The following XKR9 variants were observed in gnomAD, a reference collection of about 807,000 sequenced individuals.
XKR9 encodes the protein XK-related protein 9.
Under a neutral mutation model 32.0 loss-of-function variants are expected in XKR9, and 32 were observed. The observed-to-expected ratio is 1.00, with a 90% CI of 0.76 to 1.34. XKR9 has a LOEUF of 1.34. Ranked by LOEUF, XKR9 falls within the 40% of genes most tolerant of loss-of-function variation. The pLI, the probability that XKR9 is intolerant of heterozygous loss-of-function variation, is 0.00. For synonymous variants in XKR9, 168 were observed against 143.4 expected (o/e 1.17, Z -1.22); for missense variants, 546 against 429.7 (o/e 1.27, Z -2.39).
At chr8:70,880,657 C>G in the XKR9 span, among the ~76,000 whole-genome samples, 7 of 151,904 alleles carry the variant, frequency 4.6e-5, no homozygotes, top group Non-Finnish European at 8.8e-5. Context: ...CCATGCTCAT[C>G]GATAGGAAGA....
At chr8:70,967,806 T>C in the XKR9 span, among the ~76,000 whole-genome samples, 1 of 152,202 alleles carries the variant, frequency 6.6e-6, no homozygotes, top group Non-Finnish European at 1.5e-5. Context: ...ATAGGTTCAC[T>C]GTTAGTCTGA....
intron 2 of XKR9, among the ~76,000 whole-genome samples, chr8:70,763,297 C>A (rs1304493024): frequency 6.6e-6 from 1 of 152,146 alleles, no homozygotes; most frequent in African/African-American, 2.4e-5. Flanking sequence ...GAGGCAGTGG[C>A]CTTGCTTACT....
the XKR9 span, among the ~76,000 whole-genome samples, chr8:70,962,024 G>A: frequency 5.9e-5 from 9 of 152,072 alleles, no homozygotes; most frequent in Non-Finnish European, 7.4e-5. Flanking sequence ...CTTTTGATCT[G>A]TCATGTTATT....
At chr8:71,049,692 G>A in the XKR9 span, among the ~76,000 whole-genome samples, 1 of 152,182 alleles carries the variant, frequency 6.6e-6, no homozygotes, top group African/African-American at 2.4e-5. Flanking sequence ...GTTGGACTGT[G>A]TGTCCACACA....
intron 2 of XKR9, among the ~76,000 whole-genome samples, chr8:70,779,606 C>A (rs1210819095): frequency 6.6e-6 from 1 of 152,144 alleles, no homozygotes; most frequent in African/African-American, 2.4e-5. Flanking sequence ...GGTTGGTAGG[C>A]TATTAATTAT....
chr8:70,710,988 CAGA>C (rs982697171), intron 4 of XKR9, among the ~76,000 whole-genome samples: 12 of 152,122 alleles, frequency 7.9e-5, no homozygotes, highest in African/African-American at 2.9e-4. Flanking sequence ...AGACATTTCT[CAGA>C]AGAAGACATA....
At chr8:70,855,060 A>T in the XKR9 span, among the ~76,000 whole-genome samples, 1 of 152,158 alleles carries the variant, frequency 6.6e-6, no homozygotes. Flanking sequence ...TCTGTGAAGA[A>T]AGTCATTGGT....
At chr8:70,678,105 A>G (rs1026909431) in intron 2 of XKR9, 12 of 152,160 alleles carry the variant, frequency 7.9e-5, no homozygotes, top group African/African-American at 2.7e-4. Flanking sequence ...CTCTATGCAC[A>G]TGGCCAATTT....
the XKR9 span, among the ~76,000 whole-genome samples, chr8:70,883,347 T>A: frequency 6.6e-6 from 1 of 152,178 alleles, no homozygotes; most frequent in Non-Finnish European, 1.5e-5. Flanking sequence ...TTGGTGTATA[T>A]ATACCACATT....
the XKR9 span, among the ~76,000 whole-genome samples, chr8:70,953,987 G>C: frequency 6.6e-6 from 1 of 152,174 alleles, no homozygotes; most frequent in Non-Finnish European, 1.5e-5. Context: ...ATTCTTTAGG[G>C]AAAGAGTCGT....
intron 2 of XKR9, among the ~76,000 whole-genome samples, chr8:70,782,709 A>G (rs990510663): frequency 2.0e-5 from 3 of 152,128 alleles, no homozygotes; most frequent in Non-Finnish European, 2.9e-5. Context: ...TTCACTTAGG[A>G]TAATGTTCTC....
chr8:71,038,098 G>C, the XKR9 span, among the ~76,000 whole-genome samples: 31 of 152,004 alleles, frequency 2.0e-4, no homozygotes, highest in African/African-American at 7.5e-4. Context: ...GTTTTTTTTA[G>C]CTCCTCTAAC....
At chr8:70,942,104 A>T in the XKR9 span, among the ~76,000 whole-genome samples, 1 of 152,104 alleles carries the variant, frequency 6.6e-6, no homozygotes, top group African/African-American at 2.4e-5. Flanking sequence ...TTGGGAATGT[A>T]CTGAACAGTT....
At chr8:71,020,106 T>G in the XKR9 span, among the ~76,000 whole-genome samples, 1 of 152,218 alleles carries the variant, frequency 6.6e-6, no homozygotes, top group South Asian at 2.1e-4. Context: ...TCTCAGTACC[T>G]GAATTGGCTT....
intron 4 of XKR9, among the ~76,000 whole-genome samples, chr8:70,732,374 T>C (rs1322078914): frequency 6.6e-6 from 1 of 152,170 alleles, no homozygotes; most frequent in African/African-American, 2.4e-5. Context: ...GTATTACAAT[T>C]AAATCCATGC....
the XKR9 span, among the ~76,000 whole-genome samples, chr8:71,058,184 A>AAAT: frequency 1.1e-4 from 17 of 152,276 alleles, no homozygotes; most frequent in South Asian, 8.3e-4. Context: ...GTCTCAAAAA[A>AAAT]AAAATAAAAT....
At chr8:70,717,602 C>A (rs541166847) in intron 4 of XKR9, among the ~76,000 whole-genome samples, 1 of 152,138 alleles carries the variant, frequency 6.6e-6, no homozygotes, top group African/African-American at 2.4e-5. Flanking sequence ...CTGCATAGAG[C>A]AGGGGGCTCC....
chr8:70,743,057 T>C (rs1449631526), intron 2 of XKR9, among the ~76,000 whole-genome samples: 2 of 152,128 alleles, frequency 1.3e-5, no homozygotes, highest in Non-Finnish European at 2.9e-5. Flanking sequence ...GTTAGACCTA[T>C]TGATATTCTC....
the XKR9 span, among the ~76,000 whole-genome samples, chr8:70,861,236 A>C: frequency 4.6e-5 from 7 of 152,148 alleles, no homozygotes; most frequent in African/African-American, 1.7e-4. Context: ...AGACTGCCTG[A>C]GTTTGGATCC....
Sources: gnomAD v4.1 joint callset for allele counts (sites outside exome capture counted in the v4.1 genomes callset) on GRCh38, gnomAD v4.1.1 for gene constraint, MANE v1.5 for transcripts, NCBI Gene and HGNC (gene_info 2026-07-23, HGNC 2026-07-21) for gene names.